RBFOX1: variants seen among roughly 807,000 people sequenced by gnomAD.
RBFOX1 encodes the protein RNA binding protein fox-1 homolog 1.
In RBFOX1, 8 loss-of-function variants were observed where a neutral mutation model predicts 57.7. That is an observed-to-expected ratio of 0.14 (90% CI 0.08 to 0.25). The LOEUF is 0.25. RBFOX1 is among the 10% of genes least tolerant of loss of function. The pLI, the probability that RBFOX1 is intolerant of heterozygous loss-of-function variation, is 1.00. For missense variants in RBFOX1, 611 were observed against 548.5 expected, an observed-to-expected ratio of 1.11 and a Z score of -1.14; for synonymous variants, 326 against 222.4, an observed-to-expected ratio of 1.47 and a Z score of -4.15.
chr16:5,425,437 G>C (rs879501425), intron 1 of RBFOX1, among the ~76,000 whole-genome samples: 1 of 152,006 alleles, frequency 6.6e-6, no homozygotes, highest in African/African-American at 2.4e-5. Context: ...GTCCCCAAAC[G>C]TACTGGATGA....
intron 3 of RBFOX1, among the ~76,000 whole-genome samples, chr16:5,732,620 A>G (rs893107131): frequency 6.6e-6 from 1 of 152,190 alleles, no homozygotes; most frequent in Admixed American, 6.5e-5. Context: ...TGCACTTGTA[A>G]GGTAAAAAAT....
chr16:7,663,769 A>G (rs1356413956), intron 12 of RBFOX1, among the ~76,000 whole-genome samples: 2 of 152,186 alleles, frequency 1.3e-5, no homozygotes, highest in African/African-American at 2.4e-5. Context: ...GCATTTAGAA[A>G]CAGCTTCATA....
intron 3 of RBFOX1, among the ~76,000 whole-genome samples, chr16:6,751,479 G>A (rs1435966354): frequency 6.6e-6 from 1 of 152,138 alleles, no homozygotes; most frequent in Non-Finnish European, 1.5e-5. Flanking sequence ...CTATGTCTTA[G>A]TCCATGTACA....
chr16:6,718,575 C>A (rs910559562), intron 3 of RBFOX1, among the ~76,000 whole-genome samples: 1 of 152,082 alleles, frequency 6.6e-6, no homozygotes, highest in East Asian at 1.9e-4. Flanking sequence ...TTTGTGTCCC[C>A]GCCCAAATCT....
At chr16:6,902,669 C>G (rs973804542) in intron 3 of RBFOX1, among the ~76,000 whole-genome samples, 9 of 152,272 alleles carry the variant, frequency 5.9e-5, no homozygotes, top group African/African-American at 2.2e-4. Context: ...CTGTAGTGAG[C>G]TGAGATTGTG....
At chr16:5,454,940 TTCCTTCCTTCCTTCCTTC>T (rs1567535669) in intron 1 of RBFOX1, among the ~76,000 whole-genome samples, 12 of 50,374 alleles carry the variant, frequency 2.4e-4, no homozygotes, top group African/African-American at 4.3e-4. Context: ...CCTTCCTTCC[TTCCTTCCTTCCTTCCTTC>T]CTTTCTTTCT....
intron 2 of RBFOX1, among the ~76,000 whole-genome samples, chr16:6,435,213 A>G (rs527254231): frequency 2.0e-5 from 3 of 152,040 alleles, no homozygotes. Context: ...AGTGGTTTCA[A>G]GGCACCAATT....
chr16:5,424,994 T>TTTCTTTCTTTCTTTCTTTC (rs58404221), intron 1 of RBFOX1, among the ~76,000 whole-genome samples: 2 of 89,562 alleles, frequency 2.2e-5, no homozygotes, highest in Non-Finnish European at 4.7e-5. Context: ...TTTTCTTTTC[T>TTTCTTTCTTTCTTTCTTTC]TTTCTTTTCT....
chr16:6,414,204 C>A (rs1484111709), intron 2 of RBFOX1, among the ~76,000 whole-genome samples: 1 of 152,102 alleles, frequency 6.6e-6, no homozygotes. Flanking sequence ...TTGTGAAGAA[C>A]CTTGGAAAGG....
intron 14 of RBFOX1, among the ~76,000 whole-genome samples, chr16:7,685,933 G>A (rs7193723): frequency 6.6e-5 from 10 of 152,086 alleles, no homozygotes; most frequent in African/African-American, 2.4e-4. Context: ...AGATTTACAC[G>A]TGGGTCCTGA....
At chr16:5,433,514 G>A (rs2067816881) in intron 1 of RBFOX1, among the ~76,000 whole-genome samples, 1 of 152,148 alleles carries the variant, frequency 6.6e-6, no homozygotes, top group Admixed American at 6.5e-5. Flanking sequence ...CAGAAATGTT[G>A]ACCTCCAGTC....
intron 1 of RBFOX1, among the ~76,000 whole-genome samples, chr16:6,053,366 C>T (rs923803689): frequency 6.6e-6 from 1 of 152,080 alleles, no homozygotes; most frequent in Non-Finnish European, 1.5e-5. Flanking sequence ...GAGTGTCTGG[C>T]CCTGAAGAAT....
At chr16:6,928,669 C>G (rs916961594) in intron 3 of RBFOX1, among the ~76,000 whole-genome samples, 6 of 152,168 alleles carry the variant, frequency 3.9e-5, no homozygotes, top group Middle Eastern at 3.4e-3. Context: ...AAGTAGCCCT[C>G]AAATTACTGA....
At chr16:7,517,179 G>GTT (rs2076553569) in intron 4 of RBFOX1, among the ~76,000 whole-genome samples, 1 of 139,838 alleles carries the variant, frequency 7.2e-6, no homozygotes, top group African/African-American at 2.7e-5. Context: ...GTGTGTGTGT[G>GTT]TGTGTGTGTT....
intron 2 of RBFOX1, among the ~76,000 whole-genome samples, chr16:6,478,580 G>A (rs28840168): frequency 4.6e-5 from 7 of 151,090 alleles, no homozygotes; most frequent in East Asian, 3.9e-4. Context: ...AAGTGTCTTC[G>A]TCATGAAGCT....
chr16:6,743,970 T>C (rs1202276472), intron 3 of RBFOX1, among the ~76,000 whole-genome samples: 1 of 151,856 alleles, frequency 6.6e-6, no homozygotes, highest in Non-Finnish European at 1.5e-5. Context: ...GTCAATGTTA[T>C]CTTTTCAATA....
intron 3 of RBFOX1, among the ~76,000 whole-genome samples, chr16:6,743,733 C>G (rs2072884704): frequency 6.6e-6 from 1 of 151,250 alleles, no homozygotes; most frequent in Admixed American, 6.6e-5. Context: ...CCACTGCACT[C>G]AGGGCAAAGC....
chr16:7,134,653 C>T (rs369867217), intron 4 of RBFOX1, among the ~76,000 whole-genome samples: 1 of 152,202 alleles, frequency 6.6e-6, no homozygotes, highest in Non-Finnish European at 1.5e-5. Flanking sequence ...GAAAAGAATT[C>T]CGTCAGCTTT....
chr16:5,654,841 G>T (rs138782654), intron 3 of RBFOX1, among the ~76,000 whole-genome samples: 2 of 149,976 alleles, frequency 1.3e-5, no homozygotes, highest in Admixed American at 6.6e-5. Context: ...TCCTTCCCTC[G>T]TGGCTTCCAT....
Sources: gnomAD v4.1 joint callset for allele counts (sites outside exome capture counted in the v4.1 genomes callset) on GRCh38, gnomAD v4.1.1 for gene constraint, MANE v1.5 for transcripts, NCBI Gene and HGNC (gene_info 2026-07-23, HGNC 2026-07-21) for gene names.